TMEM45A: variants seen among roughly 807,000 people sequenced by gnomAD.
TMEM45A encodes the protein DNA polymerase-transactivated protein 4.
In TMEM45A, 25 loss-of-function variants were observed where a neutral mutation model predicts 32.0. The ratio of observed to expected loss-of-function variants is 0.78; its 90% CI spans 0.57 to 1.09. TMEM45A has a LOEUF of 1.09. Ranked by LOEUF, TMEM45A falls within the 50% of genes least tolerant of loss-of-function variation. The pLI, the probability that TMEM45A is intolerant of heterozygous loss-of-function variation, is 0.00. For synonymous variants in TMEM45A, 122 were observed against 114.8 expected (o/e 1.06, Z -0.40); for missense variants, 302 against 325.0 (o/e 0.93, Z 0.54).
intron 4 of TMEM45A, among the ~76,000 whole-genome samples, chr3:100,564,473 TG>T (rs1000209714): frequency 7.0e-6 from 1 of 142,772 alleles, no homozygotes; most frequent in African/African-American, 2.5e-5. Context: ...TTATTATTAT[TG>T]TTTTTTTTTT....
intron 1 of TMEM45A, among the ~76,000 whole-genome samples, chr3:100,547,835 TA>T (rs1447690991): frequency 6.6e-6 from 1 of 152,230 alleles, no homozygotes; most frequent in Non-Finnish European, 1.5e-5. Context: ...GACTTCTATT[TA>T]CTTTGAAGAG....
chr3:100,548,379 A>G (rs1004566291), intron 1 of TMEM45A, among the ~76,000 whole-genome samples: 6 of 152,198 alleles, frequency 3.9e-5, no homozygotes, highest in Non-Finnish European at 7.3e-5. Flanking sequence ...ATCTGCAAAA[A>G]GAAGAGACAC....
chr3:100,576,638 GAAAAGAAAAAGA>G (rs766976717), intron 5 of TMEM45A, among the ~76,000 whole-genome samples: 1 of 151,664 alleles, frequency 6.6e-6, no homozygotes, highest in Non-Finnish European at 1.5e-5. Flanking sequence ...AAATAGAAAA[GAAAAGAAAAAGA>G]AAAAGAAAAA....
At chr3:100,539,976 C>A (rs1220262282) in intron 1 of TMEM45A, among the ~76,000 whole-genome samples, 1 of 151,826 alleles carries the variant, frequency 6.6e-6, no homozygotes, top group Non-Finnish European at 1.5e-5. Flanking sequence ...GGATTATATA[C>A]CTAAATGTAA....
intron 1 of TMEM45A, among the ~76,000 whole-genome samples, chr3:100,521,242 G>T (rs547507455): frequency 7.4e-4 from 113 of 151,844 alleles, no homozygotes; most frequent in African/African-American, 2.5e-3. Context: ...GATACGGTAG[G>T]GTTTAGCTTT....
At chr3:100,528,947 C>T (rs1559641489) in intron 1 of TMEM45A, among the ~76,000 whole-genome samples, 1 of 152,072 alleles carries the variant, frequency 6.6e-6, no homozygotes, top group South Asian at 2.1e-4. Flanking sequence ...TCATATGAGG[C>T]CTTAAGGGTC....
intron 1 of TMEM45A, among the ~76,000 whole-genome samples, chr3:100,500,770 T>A (rs2148926237): frequency 6.6e-6 from 1 of 152,344 alleles, no homozygotes; most frequent in Non-Finnish European, 1.5e-5. Flanking sequence ...TTCTGTGGCT[T>A]AGTTTATTTC....
chr3:100,508,189 C>A (rs1249082607), intron 1 of TMEM45A, among the ~76,000 whole-genome samples: 1 of 152,050 alleles, frequency 6.6e-6, no homozygotes, highest in African/African-American at 2.4e-5. Context: ...CTCTCACAGA[C>A]CCTGAGACTA....
At chr3:100,529,625 T>G (rs1316123540) in intron 1 of TMEM45A, among the ~76,000 whole-genome samples, 4 of 152,056 alleles carry the variant, frequency 2.6e-5, no homozygotes, top group Non-Finnish European at 5.9e-5. Context: ...AGCCTTTATT[T>G]TTACTTTTAT....
At chr3:100,553,722 G>C (rs1441004586) in intron 1 of TMEM45A, among the ~76,000 whole-genome samples, 1 of 152,180 alleles carries the variant, frequency 6.6e-6, no homozygotes, top group Non-Finnish European at 1.5e-5. Flanking sequence ...GCTTAGAAAG[G>C]TTAAGAAACA....
chr3:100,533,396 C>G (rs572901205), intron 1 of TMEM45A, among the ~76,000 whole-genome samples: 1 of 152,246 alleles, frequency 6.6e-6, no homozygotes, highest in East Asian at 1.9e-4. Context: ...GACAGCTAAG[C>G]CTTGATCACT....
intron 1 of TMEM45A, among the ~76,000 whole-genome samples, chr3:100,499,779 G>A (rs936612483): frequency 6.6e-6 from 1 of 152,160 alleles, no homozygotes; most frequent in African/African-American, 2.4e-5. Flanking sequence ...TAGGGTCTGA[G>A]GCAGGAGAAT....
chr3:100,513,549 C>A (rs1708205350), intron 1 of TMEM45A, among the ~76,000 whole-genome samples: 1 of 150,764 alleles, frequency 6.6e-6, no homozygotes, highest in African/African-American at 2.5e-5. Flanking sequence ...GGAAGCATTC[C>A]CTTTGAAAAC....
intron 1 of TMEM45A, among the ~76,000 whole-genome samples, chr3:100,529,676 C>T (rs920819527): frequency 6.6e-6 from 1 of 152,134 alleles, no homozygotes; most frequent in Non-Finnish European, 1.5e-5. Context: ...GGATGGAGTG[C>T]AGTGGAGTGA....
At chr3:100,575,363 C>CTCTT (rs1706660425) in intron 5 of TMEM45A, among the ~76,000 whole-genome samples, 1 of 62,708 alleles carries the variant, frequency 1.6e-5, no homozygotes, top group African/African-American at 5.4e-5. Flanking sequence ...TATGGATTCT[C>CTCTT]TTTTTTTTTT....
chr3:100,509,046 G>A (rs1708117753), intron 1 of TMEM45A, among the ~76,000 whole-genome samples: 1 of 152,096 alleles, frequency 6.6e-6, no homozygotes, highest in Admixed American at 6.5e-5. Flanking sequence ...ATGGAAGAAA[G>A]TATTTTTTAA....
At chr3:100,553,219 A>C (rs1399692927) in intron 1 of TMEM45A, among the ~76,000 whole-genome samples, 1 of 152,204 alleles carries the variant, frequency 6.6e-6, no homozygotes, top group Non-Finnish European at 1.5e-5. Flanking sequence ...AACTTGCCCA[A>C]AGTTATGTAA....
At chr3:100,507,149 C>T (rs1208846581) in intron 1 of TMEM45A, among the ~76,000 whole-genome samples, 1 of 152,136 alleles carries the variant, frequency 6.6e-6, no homozygotes, top group African/African-American at 2.4e-5. Flanking sequence ...ATTTGGTTTC[C>T]AGGCCTATTT....
chr3:100,566,686 C>T (rs1706447460), intron 4 of TMEM45A, among the ~76,000 whole-genome samples: 2 of 152,018 alleles, frequency 1.3e-5, no homozygotes, highest in East Asian at 3.9e-4. Flanking sequence ...GTTATTATTG[C>T]CAGCCTAATG....
Sources: gnomAD v4.1 joint callset for allele counts (sites outside exome capture counted in the v4.1 genomes callset) on GRCh38, gnomAD v4.1.1 for gene constraint, MANE v1.5 for transcripts, NCBI Gene and HGNC (gene_info 2026-07-23, HGNC 2026-07-21) for gene names.